MGA: variants seen among roughly 807,000 people sequenced by gnomAD.
The protein encoded by MGA is MAX dimerization protein MGA, also known as MAX gene-associated protein.
Under a neutral mutation model 261.1 loss-of-function variants are expected in MGA, and 40 were observed. The observed-to-expected ratio is 0.15, with a 90% CI of 0.12 to 0.20. The LOEUF (loss-of-function observed/expected upper bound fraction) is 0.20. MGA is among the 10% of genes least tolerant of loss of function. The pLI is 1.00. For synonymous variants in MGA, 1,302 were observed against 1,290.6 expected (o/e 1.01, Z -0.19); for missense variants, 3,397 against 3,630.5 (o/e 0.94, Z 1.65).
At chr15:41,678,001 A>T (rs1450976139) in intron 2 of MGA, among the ~76,000 whole-genome samples, 1 of 152,122 alleles carries the variant, frequency 6.6e-6, no homozygotes, top group Non-Finnish European at 1.5e-5. Context: ...ACCATTGCCA[A>T]ATCTAACATT....
chr15:41,675,019 A>C (rs1197630733), intron 2 of MGA, among the ~76,000 whole-genome samples: 1 of 152,180 alleles, frequency 6.6e-6, no homozygotes, highest in Non-Finnish European at 1.5e-5. Context: ...GCCTCCTTAC[A>C]TAAATCTGTT....
intron 9 of MGA, among the ~76,000 whole-genome samples, chr15:41,714,248 C>A (rs1295428121): frequency 6.6e-6 from 1 of 152,172 alleles, no homozygotes; most frequent in Non-Finnish European, 1.5e-5. Context: ...TCCATCATAA[C>A]GTCATGTTCT....
intron 3 of MGA, 56 bp from the exon 4 acceptor site, chr15:41,698,807 A>G: frequency 7.5e-7 from 1 of 1,337,376 alleles, no homozygotes; most frequent in South Asian, 1.4e-5. Context: ...CCTGTTTTAC[A>G]TTTAAGTTTT....
At chr15:41,676,632 A>T (rs1400842859) in intron 2 of MGA, among the ~76,000 whole-genome samples, 1 of 152,160 alleles carries the variant, frequency 6.6e-6, no homozygotes, top group African/African-American at 2.4e-5. Context: ...GTATTTAATC[A>T]GTTCTGTGTT....
chr15:41,731,172 C>G (rs940297272), intron 11 of MGA, among the ~76,000 whole-genome samples: 1 of 152,110 alleles, frequency 6.6e-6, no homozygotes, highest in African/African-American at 2.4e-5. Flanking sequence ...AATTATATAT[C>G]ATTTAGAACC....
At position 41,696,109 on chromosome 15, in the gene MGA, G is replaced by T; in HGVS notation, c.1099G>T (p.Val367Leu). ...CAGCAGTTTTGAAGATGACTCCCGT[G>T]TAGCCTCACCGTTAGACCAGAACGG... Residue 367 changes from valine to leucine, a missense_variant, in exon 3 of 24, where the codon GTA becomes TTA. By Grantham distance (32) the Val-to-Leu change is conservative. Transcript: ENST00000219905. The T allele has an allele frequency of 6.2e-7, 1 of 1,613,046 alleles. No individual in the cohort carries two copies. Among genetic ancestry groups the T allele is most frequent in the South Asian group, 1.1e-5 (1 of 91,034 alleles).
intron 15 of MGA, among the ~76,000 whole-genome samples, chr15:41,746,313 G>A (rs1345002433): frequency 6.6e-6 from 1 of 152,138 alleles, no homozygotes; most frequent in Non-Finnish European, 1.5e-5. Context: ...GGCTGAGGAG[G>A]ATGGATCACC....
intron 1 of MGA, among the ~76,000 whole-genome samples, chr15:41,624,282 C>G (rs2056389875): frequency 1.3e-5 from 2 of 151,118 alleles, no homozygotes; most frequent in Admixed American, 6.6e-5. Context: ...GAGTCCTGCT[C>G]TGTCGCCCAG....
chr15:41,720,911 A>G (rs1446194750), intron 9 of MGA, among the ~76,000 whole-genome samples: 1 of 152,120 alleles, frequency 6.6e-6, no homozygotes, highest in Non-Finnish European at 1.5e-5. Flanking sequence ...AGAAATAAAG[A>G]AAGAATGATC....
chr15:41,682,287 A>G (rs905341983), intron 2 of MGA, among the ~76,000 whole-genome samples: 14 of 152,084 alleles, frequency 9.2e-5, no homozygotes, highest in African/African-American at 3.4e-4. Flanking sequence ...ATATATGTGC[A>G]TACACATATT....
At chr15:41,623,131 A>G (rs1192152659) in intron 1 of MGA, among the ~76,000 whole-genome samples, 1 of 152,228 alleles carries the variant, frequency 6.6e-6, no homozygotes, top group African/African-American at 2.4e-5. Flanking sequence ...TGGCAGTTTT[A>G]CATGATTCCA....
intron 1 of MGA, among the ~76,000 whole-genome samples, chr15:41,623,223 G>C: frequency 6.6e-6 from 1 of 152,134 alleles, no homozygotes; most frequent in East Asian, 1.9e-4. Context: ...AAACTTCTTG[G>C]AAGAGAAGAA....
At chr15:41,702,657 T>A (rs2059911587) in intron 5 of MGA, among the ~76,000 whole-genome samples, 1 of 152,232 alleles carries the variant, frequency 6.6e-6, no homozygotes, top group Non-Finnish European at 1.5e-5. Flanking sequence ...TGTTATATTG[T>A]TGTTGGTAGT....
At chr15:41,708,864 A>G (rs2060243824) in intron 7 of MGA, among the ~76,000 whole-genome samples, 1 of 152,242 alleles carries the variant, frequency 6.6e-6, no homozygotes, top group Non-Finnish European at 1.5e-5. Context: ...AAACTAATCC[A>G]AGCATTTTGA....
chr15:41,682,436 TC>T, intron 2 of MGA, among the ~76,000 whole-genome samples: 1 of 152,280 alleles, frequency 6.6e-6, no homozygotes, highest in East Asian at 1.9e-4. Flanking sequence ...TTTGCTATCA[TC>T]CTGCTAACTT....
At chr15:41,649,203 G>A (rs1397910486) in intron 1 of MGA, among the ~76,000 whole-genome samples, 1 of 152,010 alleles carries the variant, frequency 6.6e-6, no homozygotes. Context: ...CCAAGATGGT[G>A]AAACTTCGTC....
chr15:41,767,462 T>G lies in MGA; in HGVS notation c.*182T>G, dbSNP rs1054786382. On this transcript the variant is annotated 3_prime_UTR_variant, in exon 24 of 24. Transcript: ENST00000219905. ...TGGTATAAGAAGTACTCTGAAATTCTGATCATGTTAAAATGTGTTACCTCA... is the reference window on the plus strand; with the variant it reads ...TGGTATAAGAAGTACTCTGAAATTCGGATCATGTTAAAATGTGTTACCTCA... The G allele has an allele frequency of 1.5e-6, 1 of 646,938 alleles. No homozygotes were observed. The highest frequency in any genetic ancestry group is 4.2e-4 in the Middle Eastern group (1 of 2,366). The allele number at this position is 646,938 out of a possible 1,614,324, so 40.1% of individuals were successfully genotyped here. A position where few individuals can be genotyped will look rare whatever the true frequency, so the allele number is the denominator to read the frequency against.
chr15:41,708,195 A>G lies in MGA; in HGVS notation c.2412A>G (p.Ala804=), dbSNP rs990980251. The G allele has an allele frequency of 2.5e-6, 4 of 1,587,600 alleles. No homozygotes were observed. The highest frequency in any genetic ancestry group is 2.7e-5 in the African/African-American group (2 of 74,406). Residue 804 remains alanine (A), a synonymous_variant, in exon 7 of 24, where the codon GCA becomes GCG. Coordinates refer to ENST00000219905, the MANE Select transcript of MGA (RefSeq NM_001164273.2). ...GGGGAAAATTTCATAGTGCTTCTGC[A>G]TCTAGGAATGAAGGTAATTAGTTTT...
chr15:41,688,144 T>C (rs7169668), intron 2 of MGA, among the ~76,000 whole-genome samples: 119,290 of 152,158 alleles, frequency 0.78, 47,282 homozygotes, highest in East Asian at 0.89. Context: ...GGTGCGATGT[T>C]GGCTCACTGC....
Sources: allele counts gnomAD v4.1 joint callset (sites outside exome capture counted in the v4.1 genomes callset), GRCh38; gene constraint gnomAD v4.1.1; transcripts MANE v1.5; gene names NCBI Gene and HGNC (gene_info 2026-07-23, HGNC 2026-07-21).